B3GALT1: variants seen among roughly 807,000 people sequenced by gnomAD.
The protein encoded by B3GALT1 is beta-1,3-galactosyltransferase 1.
A neutral mutation model predicts 23.2 loss-of-function variants in B3GALT1; 10 were observed. That is an observed-to-expected ratio of 0.43 (90% CI 0.27 to 0.73). The LOEUF (loss-of-function observed/expected upper bound fraction) is 0.73, where lower values mean the gene tolerates loss of function less well. B3GALT1 is among the 30% of genes least tolerant of loss of function. B3GALT1 has a pLI of 0.21. For missense variants in B3GALT1, 299 were observed against 405.4 expected (o/e 0.74, Z 2.25); for synonymous variants, 156 against 141.5 (o/e 1.10, Z -0.73).
intron 3 of B3GALT1, among the ~76,000 whole-genome samples, chr2:167,798,567 C>T (rs836673): frequency 0.45 from 68,168 of 151,970 alleles, 17,621 homozygotes; most frequent in African/African-American, 0.7. Context: ...CTTGTTTTTG[C>T]TGGCTTAGTT....
chr2:167,298,885 AAAAC>A (rs1223812260), intron 1 of B3GALT1, among the ~76,000 whole-genome samples: 1 of 151,140 alleles, frequency 6.6e-6, no homozygotes, highest in African/African-American at 2.4e-5. Flanking sequence ...CAACAACAGA[AAAAC>A]AAAAAAACTA....
At chr2:167,317,428 C>T (rs1696736590) in intron 1 of B3GALT1, among the ~76,000 whole-genome samples, 1 of 152,018 alleles carries the variant, frequency 6.6e-6, no homozygotes, top group African/African-American at 2.4e-5. Flanking sequence ...TCACATTGTT[C>T]CTGGAGGTAA....
Position 167,301,699 on chromosome 2 carries a change from C to T in B3GALT1, c.-511+8365C>T, listed in dbSNP as rs188900073. Reference sequence around the variant, plus strand: ...CCTAGTAGCTGGGATTATAGGCATCCGCCACCACACCTGGCTAATTTTTTA... The same window carrying T: ...CCTAGTAGCTGGGATTATAGGCATCTGCCACCACACCTGGCTAATTTTTTA... On this transcript the variant is annotated intron_variant, in intron 1 of 4. Coordinates refer to ENST00000392690, the MANE Select transcript of B3GALT1 (RefSeq NM_020981.4). Among the ~76,000 whole-genome samples the T allele has an allele frequency of 8.9e-4, 136 of 152,212 alleles. 1 individual carries two copies. The Middle Eastern group carries it at 0.037, about 42-fold the overall frequency.
intron 1 of B3GALT1, among the ~76,000 whole-genome samples, chr2:167,480,145 T>G (rs1028096217): frequency 6.6e-6 from 1 of 152,156 alleles, no homozygotes; most frequent in Non-Finnish European, 1.5e-5. Flanking sequence ...GCTACATGAC[T>G]CTTGAGCAGT....
chr2:167,426,997 A>G (rs942386355), intron 1 of B3GALT1, among the ~76,000 whole-genome samples: 1 of 152,216 alleles, frequency 6.6e-6, no homozygotes, highest in African/African-American at 2.4e-5. Flanking sequence ...AAGTTGTGGT[A>G]TGTCATAGAG....
At chr2:167,589,192 C>T (rs1344934909) in intron 2 of B3GALT1, among the ~76,000 whole-genome samples, 1 of 152,124 alleles carries the variant, frequency 6.6e-6, no homozygotes, top group African/African-American at 2.4e-5. Flanking sequence ...ACAATCCTCC[C>T]ATTGCAGCCT....
At chr2:167,456,398 A>G (rs1420589363) in intron 1 of B3GALT1, among the ~76,000 whole-genome samples, 1 of 152,206 alleles carries the variant, frequency 6.6e-6, no homozygotes, top group African/African-American at 2.4e-5. Flanking sequence ...TGGGGATCAC[A>G]TTTAAACATG....
chr2:167,342,980 G>A (rs1697172447), intron 1 of B3GALT1, among the ~76,000 whole-genome samples: 1 of 152,194 alleles, frequency 6.6e-6, no homozygotes, highest in Admixed American at 6.5e-5. Context: ...CCTCAAGGGG[G>A]CATTCAGGAT....
intron 1 of B3GALT1, among the ~76,000 whole-genome samples, chr2:167,414,218 C>T (rs1013551520): frequency 1.3e-4 from 20 of 152,046 alleles, no homozygotes; most frequent in African/African-American, 4.8e-4. Flanking sequence ...GAATGGAAAA[C>T]CCTGAATACT....
At chr2:167,412,472 A>C (rs762836455) in intron 1 of B3GALT1, among the ~76,000 whole-genome samples, 2 of 152,178 alleles carry the variant, frequency 1.3e-5, no homozygotes, top group Non-Finnish European at 1.5e-5. Flanking sequence ...GCAAAAGAGG[A>C]TATACAAATA....
chr2:167,465,646 G>A (rs960219533), intron 1 of B3GALT1, among the ~76,000 whole-genome samples: 15 of 152,130 alleles, frequency 9.9e-5, no homozygotes, highest in African/African-American at 3.6e-4. Flanking sequence ...ATTAGTGATA[G>A]GTGTCAACAT....
rs1690297906 is a variant in B3GALT1 at position 167,869,401 on chromosome 2, A to G, written c.362A>G (p.Asn121Ser). The G allele has an allele frequency of 6.2e-7, 1 of 1,614,148 alleles. No individual in the cohort carries two copies. ...GCCACCCTGTTCCTCCTGGGCAAGA[A>G]TGCTGATCCTGTTCTCAATCAGATG... Reference protein sequence around the residue: ...KIATLFLLGKNADPVLNQMVE... With the variant: ...KIATLFLLGKSADPVLNQMVE... The change falls in exon 5 of 5, where the codon AAT (asparagine) becomes AGT (serine). Residue 121 changes from asparagine (N) to serine (S), a missense_variant. Transcript: ENST00000392690. This position sits in a 1 kb window ranked among gnomAD's most constrained non-coding sequence, Gnocchi z 6.4.
chr2:167,635,546 C>T (rs143490898), intron 2 of B3GALT1, among the ~76,000 whole-genome samples: 1,708 of 152,122 alleles, frequency 0.011, 14 homozygotes, highest in South Asian at 0.035. Flanking sequence ...CATTCCTATA[C>T]GCCAATAACA....
intron 1 of B3GALT1, among the ~76,000 whole-genome samples, chr2:167,486,271 AT>A (rs765835752): frequency 4.7e-5 from 7 of 149,704 alleles, no homozygotes; most frequent in Non-Finnish European, 1.0e-4. Flanking sequence ...AGGCAGGAGA[AT>A]TGCTGGAACC....
chr2:167,595,817 CAT>C (rs1211918194), intron 2 of B3GALT1, among the ~76,000 whole-genome samples: 3 of 152,148 alleles, frequency 2.0e-5, no homozygotes, highest in Non-Finnish European at 2.9e-5. Context: ...ATCAAAGACT[CAT>C]GTGAGAGAGA....
At chr2:167,295,429 C>A (rs1574021244) in intron 1 of B3GALT1, among the ~76,000 whole-genome samples, 1 of 152,198 alleles carries the variant, frequency 6.6e-6, no homozygotes, top group East Asian at 1.9e-4. Context: ...ACAGGCTAAG[C>A]AGTTTATGTT....
intron 1 of B3GALT1, among the ~76,000 whole-genome samples, chr2:167,352,141 T>C (rs868125446): frequency 6.6e-6 from 1 of 150,520 alleles, no homozygotes; most frequent in Non-Finnish European, 1.5e-5. Context: ...TTTTTTTTTT[T>C]GTATTTTCGT....
intron 3 of B3GALT1, among the ~76,000 whole-genome samples, chr2:167,752,318 T>C (rs1253380190): frequency 6.6e-6 from 1 of 152,066 alleles, no homozygotes; most frequent in African/African-American, 2.4e-5. Flanking sequence ...TCATAAAACA[T>C]TGTTACAATT....
chr2:167,868,686 T>C (rs1690281847), intron 4 of B3GALT1, among the ~76,000 whole-genome samples, 125 bp from the exon 5 acceptor site: 2 of 152,174 alleles, frequency 1.3e-5, no homozygotes, highest in Non-Finnish European at 2.9e-5. Flanking sequence ...TTGGTACTGA[T>C]GGAAATGAAT....
Sources: allele counts gnomAD v4.1 joint callset (sites outside exome capture counted in the v4.1 genomes callset), GRCh38; gene constraint gnomAD v4.1.1; non-coding constraint Gnocchi (gnomAD v3.1); transcripts MANE v1.5; gene names NCBI Gene and HGNC (gene_info 2026-07-23, HGNC 2026-07-21).